The following ATXN10 variants were observed in gnomAD, a reference collection of about 807,000 sequenced individuals.
ATXN10 encodes the protein ataxin 10.
ATXN10 carries 28 observed loss-of-function variants against 52.9 expected under a neutral mutation model. The ratio of observed to expected loss-of-function variants is 0.53; its 90% CI spans 0.39 to 0.73. ATXN10 has a LOEUF of 0.73. ATXN10 is among the 30% of genes least tolerant of loss of function. The pLI is 0.00. For synonymous variants in ATXN10, 226 were observed against 221.5 expected (o/e 1.02, Z -0.18); for missense variants, 565 against 577.0 (o/e 0.98, Z 0.21).
chr22:45,691,095 C>T (rs1319488078), intron 2 of ATXN10, among the ~76,000 whole-genome samples: 1 of 152,186 alleles, frequency 6.6e-6, no homozygotes, highest in African/African-American at 2.4e-5. Flanking sequence ...TAAACCAAAC[C>T]TGCCATCCAT....
At position 45,683,923 on chromosome 22, in the gene ATXN10, C is replaced by G. The variant is rs558257706; in HGVS notation, c.117-5789C>G. On this transcript the variant is annotated intron_variant, in intron 1 of 11. Transcript: ENST00000252934. This position sits in a 1 kb window ranked among gnomAD's most constrained non-coding sequence, Gnocchi z 4.8. ...CTTTCTGCCTCTGTGCTAATTTCAC[C>G]TTTTCTTAGCTTCTCTTTCATTTTC... Among the ~76,000 whole-genome samples the G allele has an allele frequency of 2.6e-5, 4 of 152,060 alleles. No homozygotes were observed. Among genetic ancestry groups the G allele is most frequent in the Non-Finnish European group, 5.9e-5 (4 of 68,004 alleles).
rs139095275 is a variant in ATXN10, at chr22:45,771,669, G to T, written c.1173+31131G>T. On this transcript the variant is annotated intron_variant, in intron 9 of 11. Transcript: ENST00000252934. ...TGACCTCAAGTGATCCACCCACCTC[G>T]AGCTCCCAAAGTGTTGGGATTACAG... 6.6e-3 allele frequency among the ~76,000 whole-genome samples: 1,006 copies of T among 152,162 alleles called. 7 individuals carry two copies. The highest frequency in any genetic ancestry group is 0.017 in the South Asian group (80 of 4,806).
In ATXN10 at chr22:45,681,753, G is replaced by A. The variant is rs1368882690; in HGVS notation, c.117-7959G>A. On this transcript the variant is annotated intron_variant, in intron 1 of 11. Transcript: ENST00000252934. This position sits in a 1 kb window ranked among gnomAD's most constrained non-coding sequence, Gnocchi z 4.2. ...ACGTGGCCCTTAATGCTACCTGTCA[G>A]TCCCGCTGTTTGCCCTGGTCCCTTG... Among the ~76,000 whole-genome samples the A allele has an allele frequency of 6.6e-6, 1 of 152,072 alleles. No homozygotes were observed. The highest frequency in any genetic ancestry group is 1.9e-4 in the East Asian group (1 of 5,172).
At chr22:45,815,210 A>C (rs1335725397) in intron 10 of ATXN10, among the ~76,000 whole-genome samples, 1 of 152,210 alleles carries the variant, frequency 6.6e-6, no homozygotes, top group Non-Finnish European at 1.5e-5. Flanking sequence ...CTAGCATGAT[A>C]CTGAGTGAAA....
At position 45,781,785 on chromosome 22, in the gene ATXN10, G is replaced by C. The variant is rs1049263259; in HGVS notation, c.1174-25174G>C. 6.6e-6 allele frequency among the ~76,000 whole-genome samples: 1 copy of C among 152,114 alleles called. No individual in the cohort carries two copies. Among genetic ancestry groups the C allele is most frequent in the Non-Finnish European group, 1.5e-5 (1 of 68,012 alleles). ...AATGGAAGATACAAAGAAAAGCCAC[G>C]TGGAAATTTTAGGACTAAAAAAACA... On this transcript the variant is annotated intron_variant, in intron 9 of 11. Coordinates refer to ENST00000252934, the MANE Select transcript of ATXN10 (RefSeq NM_013236.4). The surrounding 1 kb of genome is among the most constrained non-coding windows in gnomAD (Gnocchi z 4.2).
chr22:45,704,743 T>C (rs1036097822), intron 5 of ATXN10, among the ~76,000 whole-genome samples: 5 of 152,320 alleles, frequency 3.3e-5, no homozygotes, highest in Middle Eastern at 3.4e-3. Context: ...TATTTTTTTC[T>C]TTCCAGTTGG....
intron 9 of ATXN10, among the ~76,000 whole-genome samples, chr22:45,755,234 A>G (rs1926131110): frequency 6.6e-6 from 1 of 152,218 alleles, no homozygotes; most frequent in African/African-American, 2.4e-5. Flanking sequence ...ATGACCCTCT[A>G]TCCTTCCGAT....
At chr22:45,803,080 C>T (rs2146880561) in intron 9 of ATXN10, among the ~76,000 whole-genome samples, 1 of 152,322 alleles carries the variant, frequency 6.6e-6, no homozygotes, top group South Asian at 2.1e-4. Flanking sequence ...GCTATCACTC[C>T]CAGTGCTCTT....
rs1465051417 is a variant in ATXN10, at chr22:45,795,079, GGTATTATTTGTAGATAGACT to G, written c.1174-11878_1174-11859del. ...TCTTATATTGTATGTGGGGTAGTAT[GGTATTATTTGTAGATAGACT>G]GCAACAAGGTAAAGATGTATACTCT... is the stretch of plus-strand genomic sequence containing the variant. On this transcript the variant is annotated intron_variant, in intron 9 of 11. Coordinates refer to ENST00000252934, the MANE Select transcript of ATXN10 (RefSeq NM_013236.4). The surrounding 1 kb of genome is among the most constrained non-coding windows in gnomAD (Gnocchi z 4.6). Among the ~76,000 whole-genome samples the G allele has an allele frequency of 1.3e-5, 2 of 152,042 alleles. No individual in the cohort carries two copies. Among genetic ancestry groups the G allele is most frequent in the Non-Finnish European group, 2.9e-5 (2 of 68,010 alleles).
Position 45,689,456 on chromosome 22 carries a change from T to C in ATXN10, c.117-256T>C, listed in dbSNP as rs1923280233. 7 of 513,370 alleles carry C rather than the reference T, an allele frequency of 1.4e-5. No individual in the cohort carries two copies. In the South Asian group the frequency reaches 1.5e-4, roughly 11 times the overall value. 31.8% of individuals were successfully genotyped at this position (513,370 alleles called of 1,614,324 possible). A position where few individuals can be genotyped will look rare whatever the true frequency, so the allele number is the denominator to read the frequency against. On this transcript the variant is annotated intron_variant, in intron 1 of 11. Transcript: ENST00000252934. ...CTACTTCACTTACCTTATCTGTAAA[T>C]GGAGAGGACAGTGTTGGCCTCATAA...
chr22:45,675,996 C>T (rs1428394616), intron 1 of ATXN10: 1 of 152,172 alleles, frequency 6.6e-6, no homozygotes, highest in African/African-American at 2.4e-5. Flanking sequence ...CACCGTATTT[C>T]ACATTTGTTT....
rs1193676906 is a variant in ATXN10, at chr22:45,762,486, C to T, written c.1173+21948C>T. On this transcript the variant is annotated intron_variant, in intron 9 of 11. Coordinates refer to ENST00000252934, the MANE Select transcript of ATXN10 (RefSeq NM_013236.4). The surrounding 1 kb of genome is among the most constrained non-coding windows in gnomAD (Gnocchi z 4.3). ...GAGTGTTGGTGGGCTCCACCCTAGC[C>T]GAACCTGTGTCTGCACACCTGTTGT... 6.6e-6 allele frequency among the ~76,000 whole-genome samples: 1 copy of T among 152,182 alleles called. No individual in the cohort carries two copies. Among genetic ancestry groups the T allele is most frequent in the African/African-American group, 2.4e-5 (1 of 41,456 alleles).
At chr22:45,726,600 G>C (rs1178754307) in intron 6 of ATXN10, among the ~76,000 whole-genome samples, 1 of 152,060 alleles carries the variant, frequency 6.6e-6, no homozygotes, top group Non-Finnish European at 1.5e-5. Flanking sequence ...TTTTTTCAAA[G>C]AACCAACTTT....
rs969666602 is a variant in ATXN10 at position 45,688,443 on chromosome 22, T to C, written c.117-1269T>C. 2.0e-5 allele frequency among the ~76,000 whole-genome samples: 3 copies of C among 152,168 alleles called. No individual in the cohort carries two copies. Among genetic ancestry groups the C allele is most frequent in the African/African-American group, 7.2e-5 (3 of 41,442 alleles). ...GGATTCATGTTGTTTGGGTCATAAATTTGACTCCAGACTTAAGAAAGGCCC... is the reference window on the plus strand; with the variant it reads ...GGATTCATGTTGTTTGGGTCATAAACTTGACTCCAGACTTAAGAAAGGCCC... On this transcript the variant is annotated intron_variant, in intron 1 of 11. Transcript: ENST00000252934. This position sits in a 1 kb window ranked among gnomAD's most constrained non-coding sequence, Gnocchi z 4.0.
chr22:45,757,778 CTCTTT>C lies in ATXN10; in HGVS notation c.1173+17242_1173+17246del. On this transcript the variant is annotated intron_variant, in intron 9 of 11. Coordinates refer to ENST00000252934, the MANE Select transcript of ATXN10 (RefSeq NM_013236.4). This position sits in a 1 kb window ranked among gnomAD's most constrained non-coding sequence, Gnocchi z 4.6. Reference sequence around the variant, plus strand: ...GAGTTATATTCATTCATGTTTGATTCTCTTTTAAGAATTATTCTCTATTAGTACTT... The same window carrying C: ...GAGTTATATTCATTCATGTTTGATTCTAAGAATTATTCTCTATTAGTACTT... 6.6e-6 allele frequency among the ~76,000 whole-genome samples: 1 copy of C among 152,116 alleles called. No individual in the cohort carries two copies. The highest frequency in any genetic ancestry group is 1.5e-5 in the Non-Finnish European group (1 of 67,978).
chr22:45,803,065 C>G (rs1044500486), intron 9 of ATXN10, among the ~76,000 whole-genome samples: 29 of 152,260 alleles, frequency 1.9e-4, no homozygotes, highest in African/African-American at 7.0e-4. Context: ...ATGTCACCAA[C>G]TACTGCTATC....
chr22:45,837,390 A>G lies in ATXN10; in HGVS notation c.1238-5601A>G, dbSNP rs1214448791. ...TTTCTCCTGCCTCAGCCTCCCGAGT[A>G]GCTGGGACTGCAGGCGGCTCACCAG... On this transcript the variant is annotated intron_variant, in intron 10 of 11. Coordinates refer to ENST00000252934, the MANE Select transcript of ATXN10 (RefSeq NM_013236.4). The surrounding 1 kb of genome is among the most constrained non-coding windows in gnomAD (Gnocchi z 5.8). 2.6e-5 allele frequency among the ~76,000 whole-genome samples: 4 copies of G among 151,996 alleles called. No individual in the cohort carries two copies. The highest frequency in any genetic ancestry group is 9.7e-5 in the African/African-American group (4 of 41,370).
At chr22:45,707,878 A>T (rs573532164) in intron 5 of ATXN10, among the ~76,000 whole-genome samples, 1 of 152,158 alleles carries the variant, frequency 6.6e-6, no homozygotes, top group Non-Finnish European at 1.5e-5. Flanking sequence ...TTTGCTGTTA[A>T]ATATAAACTC....
chr22:45,689,400 C>A, intron 1 of ATXN10: 1 of 393,954 alleles, frequency 2.5e-6, no homozygotes, highest in Non-Finnish European at 4.8e-6. Context: ...CAGTTACTGG[C>A]TGAGTGATTT....
Sources: allele counts gnomAD v4.1 joint callset (sites outside exome capture counted in the v4.1 genomes callset), GRCh38; gene constraint gnomAD v4.1.1; non-coding constraint Gnocchi (gnomAD v3.1); transcripts MANE v1.5; gene names NCBI Gene and HGNC (gene_info 2026-07-23, HGNC 2026-07-21).